Variants in CCDC148 observed in about 807,000 individuals in gnomAD.
CCDC148 encodes coiled-coil domain-containing protein 148.
In CCDC148, 89 loss-of-function variants were observed where a neutral mutation model predicts 85.7. That is an observed-to-expected ratio of 1.04 (90% CI 0.87 to 1.24). The LOEUF (loss-of-function observed/expected upper bound fraction) is 1.24, where lower values mean the gene tolerates loss of function less well. Among genes scored for constraint, CCDC148 ranks in the 50% most tolerant of loss-of-function variants. The pLI is 0.00. For synonymous variants in CCDC148, 230 were observed against 213.9 expected, an observed-to-expected ratio of 1.08 and a Z score of -0.66; for missense variants, 692 against 671.7, an observed-to-expected ratio of 1.03 and a Z score of -0.33.
At chr2:158,439,475 G>A (rs532135187) in intron 1 of CCDC148, among the ~76,000 whole-genome samples, 33 of 152,232 alleles carry the variant, frequency 2.2e-4, no homozygotes, top group African/African-American at 3.6e-4. Flanking sequence ...GAGGCCTGTC[G>A]TGGGGTGGCG....
In CCDC148 at chr2:158,228,261, C is replaced by T. The variant is rs1299832737; in HGVS notation, c.1252-7548G>A. 3.3e-5 allele frequency among the ~76,000 whole-genome samples: 5 copies of T among 152,274 alleles called. No individual in the cohort carries two copies. In the South Asian group the frequency reaches 6.2e-4, roughly 19 times the overall value. ...TGTAAATCAAAACCACAATGAGATA[C>T]CATCTCACACCAGTTAGAATTGCAA... is the stretch of plus-strand genomic sequence containing the variant. On this transcript the variant is annotated intron_variant, in intron 10 of 13. Transcript: ENST00000283233.
chr2:158,447,764 A>G (rs1317638360), intron 1 of CCDC148, among the ~76,000 whole-genome samples: 2 of 152,150 alleles, frequency 1.3e-5, no homozygotes, highest in African/African-American at 4.8e-5. Context: ...TTTCACATTT[A>G]GCATGCTTTA....
At chr2:158,297,329 T>C (rs1224546686) in intron 9 of CCDC148, among the ~76,000 whole-genome samples, 1 of 152,160 alleles carries the variant, frequency 6.6e-6, no homozygotes, top group South Asian at 2.1e-4. Context: ...TGAAAGTAAA[T>C]TACATCTATA....
chr2:158,406,177 T>C (rs1685988464), intron 1 of CCDC148, among the ~76,000 whole-genome samples: 1 of 152,122 alleles, frequency 6.6e-6, no homozygotes, highest in Admixed American at 6.5e-5. Flanking sequence ...ATGCTAGAAA[T>C]GAATGATAAT....
intron 9 of CCDC148, among the ~76,000 whole-genome samples, chr2:158,259,654 C>T (rs575813074): frequency 6.6e-6 from 1 of 152,012 alleles, no homozygotes; most frequent in Non-Finnish European, 1.5e-5. Context: ...GCCACCAGTT[C>T]AAGTGGCCTT....
intron 1 of CCDC148, chr2:158,366,108 T>C (rs149997352): frequency 1.9e-5 from 26 of 1,379,592 alleles, no homozygotes; most frequent in Non-Finnish European, 2.5e-5. Flanking sequence ...TAAAATTTCA[T>C]AATATTATTT....
chr2:158,397,323 T>A (rs1270662761), intron 1 of CCDC148, among the ~76,000 whole-genome samples: 1 of 151,958 alleles, frequency 6.6e-6, no homozygotes, highest in Non-Finnish European at 1.5e-5. Context: ...AGACACCTAA[T>A]TTTCAGATTC....
rs768079688 is a variant in CCDC148, at chr2:158,338,702, C to T, written c.764+24G>A. ...AAAAAGTTAGTGTCAAAAGTCTACA[C>T]AGGACTCAGTTTTATCTTATCACCT... On this transcript the variant is annotated intron_variant, in intron 7 of 13. Coordinates refer to ENST00000283233, the MANE Select transcript of CCDC148 (RefSeq NM_138803.4). The T allele has an allele frequency of 3.8e-6, 6 of 1,560,994 alleles. No homozygotes were observed. The Admixed American group carries it at 6.2e-5, about 16-fold the overall frequency.
chr2:158,267,192 C>T (rs940204570), intron 9 of CCDC148, among the ~76,000 whole-genome samples: 2 of 152,044 alleles, frequency 1.3e-5, no homozygotes, highest in Non-Finnish European at 2.9e-5. Flanking sequence ...TGTGTTCCAC[C>T]CACACCAAAC....
intron 1 of CCDC148, among the ~76,000 whole-genome samples, chr2:158,418,792 C>T (rs1559132061): frequency 6.6e-6 from 1 of 151,616 alleles, no homozygotes; most frequent in Non-Finnish European, 1.5e-5. Flanking sequence ...TCTTATTTAT[C>T]ATATATATAT....
At chr2:158,209,613 C>A (rs1280021757) in intron 11 of CCDC148, among the ~76,000 whole-genome samples, 3 of 152,178 alleles carry the variant, frequency 2.0e-5, no homozygotes, top group African/African-American at 7.2e-5. Flanking sequence ...AACAGCGGAT[C>A]TCTCTGCAGA....
At position 158,172,170 on chromosome 2, in the gene CCDC148, T is replaced by A. The variant is rs776231159; in HGVS notation, c.1719A>T (p.Lys573Asn). The A allele has an allele frequency of 6.2e-7, 1 of 1,610,180 alleles. No homozygotes were observed. Among genetic ancestry groups the A allele is most frequent in the East Asian group, 2.2e-5 (1 of 44,700 alleles). Residue 573 changes from lysine (K) to asparagine (N), a missense_variant, in exon 14 of 14, where the codon AAA becomes AAT. Transcript: ENST00000283233. ...TTCTTGGAGGTTTTTGAGGACTAAT[T>A]TTTGGTAATATCTCTTTAGCATAAA... ...RTLYAKEILP[K>N]ISPQKPPRKD...
chr2:158,372,126 C>T (rs1684468763), intron 1 of CCDC148, among the ~76,000 whole-genome samples: 1 of 152,032 alleles, frequency 6.6e-6, no homozygotes, highest in Admixed American at 6.6e-5. Flanking sequence ...GCAGTGGAGC[C>T]TCTCATGCCC....
At chr2:158,305,988 G>C (rs1406092260) in intron 9 of CCDC148, among the ~76,000 whole-genome samples, 2 of 152,148 alleles carry the variant, frequency 1.3e-5, no homozygotes, top group Non-Finnish European at 2.9e-5. Flanking sequence ...ATTATGCTAA[G>C]TGAACAAAGC....
At chr2:158,181,709 G>A (rs1684912148) in intron 11 of CCDC148, among the ~76,000 whole-genome samples, 1 of 152,038 alleles carries the variant, frequency 6.6e-6, no homozygotes, top group South Asian at 2.1e-4. Context: ...GTGAGAGTGA[G>A]CAGGTATGTC....
At chr2:158,336,874 T>A (rs1682412831) in intron 7 of CCDC148, among the ~76,000 whole-genome samples, 1 of 152,180 alleles carries the variant, frequency 6.6e-6, no homozygotes, top group African/African-American at 2.4e-5. Flanking sequence ...CCCCACCGTC[T>A]TCTGCCTATG....
chr2:158,331,178 G>T (rs1158710274), intron 7 of CCDC148, among the ~76,000 whole-genome samples: 1 of 152,086 alleles, frequency 6.6e-6, no homozygotes, highest in African/African-American at 2.4e-5. Flanking sequence ...ACACTGCTTT[G>T]AATGTGTCCC....
chr2:158,205,592 A>AG (rs1262586784), intron 11 of CCDC148, among the ~76,000 whole-genome samples: 2 of 152,176 alleles, frequency 1.3e-5, no homozygotes, highest in Non-Finnish European at 2.9e-5. Context: ...AAGGTCATAG[A>AG]GGTAGGAAGT....
intron 1 of CCDC148, among the ~76,000 whole-genome samples, chr2:158,431,178 C>A (rs1687331305): frequency 6.6e-6 from 1 of 151,066 alleles, no homozygotes; most frequent in African/African-American, 2.4e-5. Context: ...AAATAAAAGT[C>A]AAAATGTTTT....
Sources: allele counts gnomAD v4.1 joint callset (sites outside exome capture counted in the v4.1 genomes callset), GRCh38; gene constraint gnomAD v4.1.1; transcripts MANE v1.5; gene names NCBI Gene and HGNC (gene_info 2026-07-23, HGNC 2026-07-21).